FHIT: variants seen among roughly 807,000 people sequenced by gnomAD.
FHIT encodes fragile histidine triad diadenosine triphosphatase, also known as bis(5'-adenosyl)-triphosphatase.
Under a neutral mutation model 17.9 loss-of-function variants are expected in FHIT, and 19 were observed. The observed-to-expected ratio is 1.06, with a 90% CI of 0.74 to 1.56. The LOEUF (loss-of-function observed/expected upper bound fraction) is 1.56. Among genes scored for constraint, FHIT ranks in the 40% most tolerant of loss-of-function variants. FHIT has a pLI of 0.00. For missense variants in FHIT, 248 were observed against 189.2 expected (o/e 1.31, Z -1.82); for synonymous variants, 81 against 69.7 (o/e 1.16, Z -0.81).
intron 9 of FHIT, chr3:59,751,470 G>A (rs1226553149): frequency 1.9e-5 from 4 of 206,560 alleles, no homozygotes; most frequent in African/African-American, 9.1e-5. Context: ...TCTACTATGT[G>A]AACTGAGACT....
chr3:60,100,716 C>T (rs1026242379), intron 5 of FHIT, among the ~76,000 whole-genome samples: 4 of 152,124 alleles, frequency 2.6e-5, no homozygotes, highest in Non-Finnish European at 5.9e-5. Context: ...GAATTTATTT[C>T]TATTACATAT....
intron 5 of FHIT, among the ~76,000 whole-genome samples, chr3:60,018,073 A>G (rs1027549351): frequency 7.9e-5 from 12 of 152,250 alleles, no homozygotes; most frequent in African/African-American, 2.9e-4. Context: ...ACAGTTCTGA[A>G]GGCTGTCCAA....
chr3:60,489,164 A>G lies in FHIT; in HGVS notation c.103+47696T>C, dbSNP rs1401407630. Among the ~76,000 whole-genome samples, 14 of 152,296 alleles carry G rather than the reference A, an allele frequency of 9.2e-5. No homozygotes were observed. The East Asian group carries it at 2.7e-3, about 29-fold the overall frequency. On this transcript the variant is annotated intron_variant, in intron 5 of 9. Coordinates refer to ENST00000492590, the MANE Select transcript of FHIT (RefSeq NM_002012.4). The stretch of plus-strand genomic sequence containing the variant: ...GCAAATACTATTATTATTTCTCTCT[A>G]TAATAGAAACAGAGTTCTAACATAA...
At chr3:60,109,433 G>A (rs968842962) in intron 5 of FHIT, among the ~76,000 whole-genome samples, 8 of 147,720 alleles carry the variant, frequency 5.4e-5, no homozygotes, top group African/African-American at 1.7e-4. Flanking sequence ...CTTAGGGAAC[G>A]GAAAAAAAAA....
chr3:60,375,369 G>C (rs1347748908), intron 5 of FHIT, among the ~76,000 whole-genome samples: 1 of 148,666 alleles, frequency 6.7e-6, no homozygotes, highest in African/African-American at 2.5e-5. Context: ...AGGAGTTCGA[G>C]ACTACCCTGG....
chr3:59,874,007 C>A (rs1284665320), intron 8 of FHIT, among the ~76,000 whole-genome samples: 3 of 152,106 alleles, frequency 2.0e-5, no homozygotes, highest in Non-Finnish European at 4.4e-5. Flanking sequence ...TTTAAAGATT[C>A]AACTTCTCTC....
intron 8 of FHIT, among the ~76,000 whole-genome samples, chr3:59,837,480 C>T (rs752526858): frequency 2.0e-5 from 3 of 151,952 alleles, no homozygotes; most frequent in African/African-American, 4.8e-5. Flanking sequence ...ATTCCCCCCA[C>T]CCCCCAAATA....
At chr3:61,212,879 C>A (rs2039531228) in intron 1 of FHIT, among the ~76,000 whole-genome samples, 1 of 152,172 alleles carries the variant, frequency 6.6e-6, no homozygotes, top group Non-Finnish European at 1.5e-5. Flanking sequence ...GAATTTTCAA[C>A]CCAGCATTTC....
At chr3:60,165,222 C>T (rs1219426516) in intron 5 of FHIT, among the ~76,000 whole-genome samples, 1 of 152,180 alleles carries the variant, frequency 6.6e-6, no homozygotes, top group Non-Finnish European at 1.5e-5. Flanking sequence ...GCTCTAGGTC[C>T]ACCACACGCA....
intron 4 of FHIT, among the ~76,000 whole-genome samples, chr3:60,725,479 G>A (rs1344515888): frequency 2.0e-5 from 3 of 152,014 alleles, no homozygotes; most frequent in Non-Finnish European, 2.9e-5. Flanking sequence ...GTGAGGTAGG[G>A]GGTCCAACTT....
intron 2 of FHIT, among the ~76,000 whole-genome samples, chr3:61,101,400 T>G (rs1258147486): frequency 3.9e-5 from 6 of 152,202 alleles, no homozygotes; most frequent in Admixed American, 3.9e-4. Context: ...TGGGGCTCTG[T>G]TCTATTCCGT....
chr3:60,662,776 G>A (rs2040288898), intron 4 of FHIT, among the ~76,000 whole-genome samples: 1 of 151,810 alleles, frequency 6.6e-6, no homozygotes, highest in African/African-American at 2.4e-5. Context: ...CCTTGGTTAG[G>A]TATATTTCTA....
chr3:60,418,192 C>A (rs1702320432), intron 5 of FHIT, among the ~76,000 whole-genome samples: 1 of 151,622 alleles, frequency 6.6e-6, no homozygotes, highest in African/African-American at 2.4e-5. Context: ...TAAAACCTCG[C>A]TTTATGTCTC....
intron 4 of FHIT, among the ~76,000 whole-genome samples, chr3:60,575,268 G>A (rs150172628): frequency 3.3e-5 from 5 of 152,132 alleles, no homozygotes; most frequent in East Asian, 3.9e-4. Flanking sequence ...GGCTGAGAAA[G>A]GTATGTCGGA....
At chr3:60,874,821 G>A (rs1440057053) in intron 3 of FHIT, among the ~76,000 whole-genome samples, 1 of 152,086 alleles carries the variant, frequency 6.6e-6, no homozygotes, top group Non-Finnish European at 1.5e-5. Context: ...CACCTCTGAG[G>A]CAGGGTGTTG....
At chr3:61,182,750 G>A (rs1346462529) in intron 2 of FHIT, among the ~76,000 whole-genome samples, 1 of 152,104 alleles carries the variant, frequency 6.6e-6, no homozygotes, top group Non-Finnish European at 1.5e-5. Context: ...AGGATAGGGG[G>A]TATGGGGGGT....
chr3:60,943,293 A>G (rs1708497394), intron 3 of FHIT, among the ~76,000 whole-genome samples: 2 of 152,142 alleles, frequency 1.3e-5, no homozygotes, highest in South Asian at 4.1e-4. Flanking sequence ...AAAGGATGCT[A>G]CTAGGTAATG....
intron 3 of FHIT, among the ~76,000 whole-genome samples, chr3:61,040,055 G>A (rs1168408178): frequency 6.6e-6 from 1 of 152,066 alleles, no homozygotes; most frequent in African/African-American, 2.4e-5. Flanking sequence ...ATAATACTGT[G>A]GTTTTTCTTG....
At chr3:60,850,323 TTC>T (rs3046704) in intron 3 of FHIT, among the ~76,000 whole-genome samples, 6,492 of 119,766 alleles carry the variant, frequency 0.054, 207 homozygotes, top group Non-Finnish European at 0.07. Context: ...GTGTCTGCAC[TTC>T]TCTCTCTCTC....
Sources: allele counts gnomAD v4.1 joint callset (sites outside exome capture counted in the v4.1 genomes callset), GRCh38; gene constraint gnomAD v4.1.1; transcripts MANE v1.5; gene names NCBI Gene and HGNC (gene_info 2026-07-23, HGNC 2026-07-21).